Variants in WDR7 observed in about 807,000 individuals in gnomAD.
The protein encoded by WDR7 is WD repeat-containing protein 7.
A neutral mutation model predicts 169.4 loss-of-function variants in WDR7; 46 were observed. That is an observed-to-expected ratio of 0.27 (90% confidence interval 0.21 to 0.35). The LOEUF is 0.35. Among genes scored for constraint, WDR7 ranks in the 10% least tolerant of loss-of-function variants. WDR7 has a pLI of 1.00. For missense variants in WDR7, 1,534 were observed against 1,859.3 expected (o/e 0.83, Z 3.22); for synonymous variants, 612 against 666.8 (o/e 0.92, Z 1.27).
intron 26 of WDR7, among the ~76,000 whole-genome samples, chr18:57,005,914 G>C (rs943382415): frequency 6.6e-6 from 1 of 152,100 alleles, no homozygotes; most frequent in Non-Finnish European, 1.5e-5. Context: ...ACCACAGGTT[G>C]GACAAGCTTG....
At chr18:56,820,598 C>A (rs1472969306) in intron 20 of WDR7, among the ~76,000 whole-genome samples, 1 of 151,938 alleles carries the variant, frequency 6.6e-6, no homozygotes, top group East Asian at 1.9e-4. Flanking sequence ...GTATTTAGTG[C>A]TGACAGAACT....
At position 56,943,982 on chromosome 18, in the gene WDR7, GTTTTTTTTTTTTTT is replaced by G. The variant is rs397858369; in HGVS notation, c.4064+4601_4064+4614del. 2.2e-4 allele frequency among the ~76,000 whole-genome samples: 17 copies of G among 78,756 alleles called. No homozygotes were observed. In the East Asian group the frequency reaches 6.3e-3, roughly 29 times the overall value. 51.7% of individuals were successfully genotyped at this position (78,756 alleles called of 152,430 possible). A position where few individuals can be genotyped will look rare whatever the true frequency, so the allele number is the denominator to read the frequency against. ...TAGGGTTTTTTTGTATGTTTTGTGGGTTTTTTTTTTTTTTTTTTTTTTTTTGAGATGGAGTCTCA... is the reference window on the plus strand; with the variant it reads ...TAGGGTTTTTTTGTATGTTTTGTGGGTTTTTTTTTTTGAGATGGAGTCTCA... On this transcript the variant is annotated intron_variant, in intron 25 of 27. Transcript: ENST00000254442.
intron 13 of WDR7, among the ~76,000 whole-genome samples, chr18:56,728,922 G>A (rs942735200): frequency 2.0e-5 from 3 of 152,028 alleles, no homozygotes; most frequent in Admixed American, 1.3e-4. Flanking sequence ...CTGCAGGCCC[G>A]CTTTTCACCA....
chr18:56,884,853 A>C lies in WDR7; in HGVS notation c.3526+4688A>C, dbSNP rs528310137. The stretch of plus-strand genomic sequence containing the variant: ...AGCCAACCAACACAAAACTGGTGCA[A>C]TAAAACTACAACTAAGGATGCTCAC... On this transcript the variant is annotated intron_variant, in intron 21 of 27. Transcript: ENST00000254442. Among the ~76,000 whole-genome samples, 8 of 152,326 alleles carry C rather than the reference A, an allele frequency of 5.3e-5. 1 individual carries two copies. In the South Asian group the frequency reaches 1.7e-3, roughly 32 times the overall value.
intron 13 of WDR7, chr18:56,721,438 C>T (rs920034419): frequency 6.6e-6 from 1 of 152,068 alleles, no homozygotes; most frequent in Non-Finnish European, 1.5e-5. Context: ...GTGACATTTT[C>T]TTATATGTAA....
At chr18:56,735,048 A>G (rs2026669910) in intron 14 of WDR7, among the ~76,000 whole-genome samples, 1 of 152,168 alleles carries the variant, frequency 6.6e-6, no homozygotes, top group South Asian at 2.1e-4. Flanking sequence ...TTTTAAAAGG[A>G]TACTTTTGAT....
intron 2 of WDR7, among the ~76,000 whole-genome samples, chr18:56,673,160 G>GACACACACACACACACAC (rs36051303): frequency 6.8e-6 from 1 of 146,928 alleles, no homozygotes; most frequent in African/African-American, 2.5e-5. Context: ...AGGAGCTGGG[G>GACACACACACACACACAC]ACACACACAC....
At chr18:57,003,371 A>G (rs954257017) in intron 26 of WDR7, among the ~76,000 whole-genome samples, 4 of 152,254 alleles carry the variant, frequency 2.6e-5, no homozygotes, top group African/African-American at 9.6e-5. Flanking sequence ...ATCTGCCTCA[A>G]TTCAAAGGAA....
At chr18:56,991,113 C>T (rs1421509928) in intron 26 of WDR7, among the ~76,000 whole-genome samples, 2 of 150,210 alleles carry the variant, frequency 1.3e-5, no homozygotes, top group Non-Finnish European at 2.9e-5. Flanking sequence ...ATAGCACCAC[C>T]TCTTACTAGC....
At chr18:56,823,104 C>G (rs1398444271) in intron 20 of WDR7, among the ~76,000 whole-genome samples, 2 of 152,092 alleles carry the variant, frequency 1.3e-5, no homozygotes, top group East Asian at 3.9e-4. Flanking sequence ...AACTGAGATA[C>G]ACTTTCTTTT....
chr18:56,699,262 G>C (rs1279677431), intron 12 of WDR7, among the ~76,000 whole-genome samples: 6 of 152,184 alleles, frequency 3.9e-5, no homozygotes, highest in Non-Finnish European at 7.4e-5. Context: ...AAAAAGCAGA[G>C]TTTGATGTTT....
At chr18:56,955,176 C>T (rs569173311) in intron 25 of WDR7, among the ~76,000 whole-genome samples, 3 of 152,222 alleles carry the variant, frequency 2.0e-5, no homozygotes, top group Admixed American at 1.3e-4. Flanking sequence ...TTATAGAATA[C>T]ATTTCATGAT....
chr18:57,009,883 T>A (rs866290918), intron 26 of WDR7: 14 of 985,396 alleles, frequency 1.4e-5, no homozygotes, highest in Middle Eastern at 5.2e-4. Context: ...CGGGAACACA[T>A]GTGAAGATCC....
intron 13 of WDR7, 90 bp downstream of exon 13, chr18:56,718,249 A>G: frequency 7.5e-7 from 1 of 1,335,322 alleles, no homozygotes; most frequent in Non-Finnish European, 1.0e-6. Context: ...TGAAGAAAAA[A>G]GGCTTGAAAT....
intron 26 of WDR7, chr18:57,010,078 A>T: frequency 3.0e-6 from 3 of 985,476 alleles, no homozygotes; most frequent in Non-Finnish European, 3.6e-6. Flanking sequence ...GAAAGGGTGG[A>T]GATAATCAAG....
chr18:56,918,732 A>G (rs1010251123), intron 21 of WDR7, among the ~76,000 whole-genome samples: 7 of 152,188 alleles, frequency 4.6e-5, no homozygotes, highest in African/African-American at 1.7e-4. Flanking sequence ...TGTCCAAGAC[A>G]AGTTTGTAGC....
At chr18:56,925,128 G>A (rs972488831) in intron 22 of WDR7, among the ~76,000 whole-genome samples, 5 of 152,194 alleles carry the variant, frequency 3.3e-5, no homozygotes, top group Non-Finnish European at 7.3e-5. Flanking sequence ...CTTTATGGCT[G>A]AATAACATTC....
chr18:56,770,237 A>G (rs888154918), intron 16 of WDR7, among the ~76,000 whole-genome samples: 1 of 152,144 alleles, frequency 6.6e-6, no homozygotes, highest in Non-Finnish European at 1.5e-5. Context: ...ATTGGTTATT[A>G]TATGCTTTTC....
chr18:57,001,866 C>T (rs1280232725), intron 26 of WDR7, among the ~76,000 whole-genome samples: 1 of 152,026 alleles, frequency 6.6e-6, no homozygotes, highest in Non-Finnish European at 1.5e-5. Context: ...CAATCTGTTT[C>T]CTTACTAAGA....
Sources: allele counts gnomAD v4.1 joint callset (sites outside exome capture counted in the v4.1 genomes callset), GRCh38; gene constraint gnomAD v4.1.1; transcripts MANE v1.5; gene names NCBI Gene and HGNC (gene_info 2026-07-23, HGNC 2026-07-21).